Variants in LMO1 observed in about 807,000 individuals in gnomAD.
LMO1 encodes rhombotin-1.
LMO1 carries 10 observed loss-of-function variants against 18.0 expected under a neutral mutation model. The observed-to-expected ratio is 0.55, with a 90% confidence interval of 0.34 to 0.94. LMO1 has a LOEUF of 0.94. Among genes scored for constraint, LMO1 ranks in the 40% least tolerant of loss-of-function variants. The pLI, the probability that LMO1 is intolerant of heterozygous loss-of-function variation, is 0.02. For missense variants in LMO1, 183 were observed against 205.7 expected, an observed-to-expected ratio of 0.89 and a Z score of 0.68; for synonymous variants, 77 against 77.9, an observed-to-expected ratio of 0.99 and a Z score of 0.06.
At chr11:8,243,257 G>C (rs1368744907) in intron 1 of LMO1, among the ~76,000 whole-genome samples, 1 of 152,220 alleles carries the variant, frequency 6.6e-6, no homozygotes, top group African/African-American at 2.4e-5. Flanking sequence ...CTGAAAGCAA[G>C]GCCCACGTGA....
chr11:8,238,273 A>G lies in LMO1; in HGVS notation c.26-7769T>C, dbSNP rs75469510. On this transcript the variant is annotated intron_variant, in intron 1 of 3. Coordinates refer to ENST00000335790, the MANE Select transcript of LMO1 (RefSeq NM_002315.3). ...TATATACTACCTGGATGAATCAGAC[A>G]ATATAATATTGAATGAAAGAAGCTA... Among the ~76,000 whole-genome samples, 771 of 152,370 alleles carry G rather than the reference A, an allele frequency of 5.1e-3. 3 individuals carry two copies. Among genetic ancestry groups the G allele is most frequent in the African/African-American group, 0.018 (748 of 41,584 alleles).
At chr11:8,234,933 C>A (rs1952735543) in intron 1 of LMO1, among the ~76,000 whole-genome samples, 1 of 152,194 alleles carries the variant, frequency 6.6e-6, no homozygotes. Flanking sequence ...AATCAGGGAG[C>A]CTAGTTTCAA....
intron 2 of LMO1, among the ~76,000 whole-genome samples, chr11:8,229,871 G>C (rs891139669): frequency 6.6e-6 from 1 of 152,198 alleles, no homozygotes; most frequent in Non-Finnish European, 1.5e-5. Context: ...CTGGGAGATG[G>C]AAAGAGACTG....
At chr11:8,238,349 C>A (rs1952797656) in intron 1 of LMO1, among the ~76,000 whole-genome samples, 1 of 152,252 alleles carries the variant, frequency 6.6e-6, no homozygotes, top group East Asian at 1.9e-4. Context: ...AGCTCCCAAA[C>A]AGGCAAAACC....
At chr11:8,247,109 T>A in intron 1 of LMO1, among the ~76,000 whole-genome samples, 1 of 152,230 alleles carries the variant, frequency 6.6e-6, no homozygotes, top group East Asian at 1.9e-4. Context: ...TTGAAATTTC[T>A]GCATCCTTCA....
intron 1 of LMO1, among the ~76,000 whole-genome samples, chr11:8,251,753 G>C (rs1045050482): frequency 6.6e-6 from 1 of 151,046 alleles, no homozygotes; most frequent in South Asian, 2.1e-4. Flanking sequence ...ATAGGGGTGT[G>C]GTATGTGTGT....
At chr11:8,231,851 C>T (rs1488250591) in intron 1 of LMO1, among the ~76,000 whole-genome samples, 2 of 152,176 alleles carry the variant, frequency 1.3e-5, no homozygotes, top group African/African-American at 4.8e-5. Flanking sequence ...TGCTTCCCTT[C>T]CTTTTGCTTC....
intron 1 of LMO1, among the ~76,000 whole-genome samples, chr11:8,246,395 T>C (rs1446778527): frequency 6.6e-6 from 1 of 152,214 alleles, no homozygotes; most frequent in East Asian, 1.9e-4. Flanking sequence ...TGCTACATCA[T>C]GAAGGAACCT....
chr11:8,250,140 C>G (rs1256779474), intron 1 of LMO1, among the ~76,000 whole-genome samples: 2 of 152,008 alleles, frequency 1.3e-5, no homozygotes, highest in African/African-American at 4.8e-5. Flanking sequence ...TTTTGGCTCA[C>G]TGTAGATCTC....
intron 1 of LMO1, among the ~76,000 whole-genome samples, chr11:8,246,279 A>G (rs528527953): frequency 6.6e-6 from 1 of 152,380 alleles, no homozygotes; most frequent in African/African-American, 2.4e-5. Context: ...GCCAAAAAAC[A>G]GAAACAACCC....
In LMO1 at chr11:8,263,569, T is replaced by C; in HGVS notation, c.-207A>G. The C allele has an allele frequency of 1.5e-6, 2 of 1,372,804 alleles. No individual in the cohort carries two copies. Among genetic ancestry groups the C allele is most frequent in the Non-Finnish European group, 1.9e-6 (2 of 1,066,662 alleles). 85.0% of individuals were successfully genotyped at this position (1,372,804 alleles called of 1,614,324 possible). A position where few individuals can be genotyped will look rare whatever the true frequency, so the allele number is the denominator to read the frequency against. On this transcript the variant is annotated 5_prime_UTR_variant, in exon 1 of 4. Coordinates refer to ENST00000335790, the MANE Select transcript of LMO1 (RefSeq NM_002315.3). ...ATACAAAAGCAGTCTCACCTACTTT[T>C]GTGCCTCAGAATTGGAAGGAACTAC... is the stretch of plus-strand genomic sequence containing the variant.
upstream of LMO1, chr11:8,268,556 C>T: frequency 2.0e-6 from 2 of 993,842 alleles, no homozygotes; most frequent in Non-Finnish European, 1.3e-6. Context: ...GCGCGGGCGC[C>T]GAGTCCGGAG....
At chr11:8,253,147 C>T (rs944523872) in intron 1 of LMO1, among the ~76,000 whole-genome samples, 1 of 152,216 alleles carries the variant, frequency 6.6e-6, no homozygotes, top group Non-Finnish European at 1.5e-5. Context: ...GCCCCCTGCC[C>T]TCAGCTGGGC....
At chr11:8,264,281 G>A (rs1011140573), upstream of LMO1, among the ~76,000 whole-genome samples, 2 of 152,000 alleles carry the variant, frequency 1.3e-5, no homozygotes, top group African/African-American at 4.8e-5. Context: ...ACCCCCAAAA[G>A]CATCCTGACT....
upstream of LMO1, chr11:8,268,390 T>C (rs887869222): frequency 2.7e-6 from 4 of 1,463,342 alleles, no homozygotes; most frequent in Non-Finnish European, 3.6e-6. Flanking sequence ...ACGTCCCGCG[T>C]GCCCCCGGGC....
chr11:8,267,625 G>C (rs540513753), upstream of LMO1, among the ~76,000 whole-genome samples: 2 of 152,358 alleles, frequency 1.3e-5, no homozygotes, highest in Non-Finnish European at 2.9e-5. Context: ...GCTTACTGTA[G>C]TTTGGGCGTG....
intron 2 of LMO1, 143 bp from the exon 3 acceptor site, chr11:8,227,243 ACT>A: frequency 7.4e-7 from 1 of 1,358,270 alleles, no homozygotes; most frequent in Non-Finnish European, 9.8e-7. Context: ...GGATAAGAGC[ACT>A]GAGGGCAGCA....
chr11:8,229,563 A>G (rs1952614626), intron 2 of LMO1, among the ~76,000 whole-genome samples: 1 of 152,192 alleles, frequency 6.6e-6, no homozygotes, highest in Non-Finnish European at 1.5e-5. Flanking sequence ...GATGTCATAA[A>G]TGGCCTCAGG....
At chr11:8,258,833 C>G (rs1847140125) in intron 1 of LMO1, among the ~76,000 whole-genome samples, 1 of 152,216 alleles carries the variant, frequency 6.6e-6, no homozygotes, top group South Asian at 2.1e-4. Context: ...CCCACAGCCA[C>G]AGAGGCCAAG....
Sources: allele counts gnomAD v4.1 joint callset (sites outside exome capture counted in the v4.1 genomes callset), GRCh38; gene constraint gnomAD v4.1.1; transcripts MANE v1.5; gene names NCBI Gene and HGNC (gene_info 2026-07-23, HGNC 2026-07-21).